The following TENM2 variants were observed in gnomAD, a reference collection of about 807,000 sequenced individuals.
TENM2 encodes teneurin-2.
Under a neutral mutation model 245.2 loss-of-function variants are expected in TENM2, and 52 were observed. That is an observed-to-expected ratio of 0.21 (90% CI 0.17 to 0.27). The LOEUF (loss-of-function observed/expected upper bound fraction) is 0.27, where lower values mean the gene tolerates loss of function less well. Ranked by LOEUF, TENM2 falls within the 10% of genes least tolerant of loss-of-function variation. The pLI, the probability that TENM2 is intolerant of heterozygous loss-of-function variation, is 1.00. For synonymous variants in TENM2, 1,363 were observed against 1,438.9 expected (o/e 0.95, Z 1.19); for missense variants, 3,046 against 3,666.8 (o/e 0.83, Z 4.37).
Position 168,157,203 on chromosome 5 carries a change from T to C in TENM2, c.2423-5408T>C, listed in dbSNP as rs536168218. 6.6e-5 allele frequency among the ~76,000 whole-genome samples: 10 copies of C among 152,032 alleles called. No homozygotes were observed. In the East Asian group the frequency reaches 1.9e-3, roughly 30 times the overall value. The stretch of plus-strand genomic sequence containing the variant: ...GACTTCTGAGTGGGGATTTGAAGGA[T>C]GTATTGAAGTTAGGGAGGTGAGAAA... On this transcript the variant is annotated intron_variant, in intron 12 of 28. Transcript: ENST00000518659.
At chr5:167,333,393 CA>C (rs562378667) in intron 1 of TENM2, among the ~76,000 whole-genome samples, 242 of 152,264 alleles carry the variant, frequency 1.6e-3, no homozygotes, top group African/African-American at 5.4e-3. Flanking sequence ...AGATGATGTT[CA>C]GATAAAGTTC....
intron 2 of TENM2, among the ~76,000 whole-genome samples, chr5:167,477,619 A>G (rs139827461): frequency 5.3e-5 from 8 of 152,286 alleles, no homozygotes; most frequent in Non-Finnish European, 1.2e-4. Flanking sequence ...TAGTATTCCT[A>G]TTCAGTCACC....
At chr5:168,226,363 GAGACCCA>G in intron 24 of TENM2, 100 bp downstream of exon 26, 1 of 1,014,720 alleles carries the variant, frequency 9.9e-7, no homozygotes, top group Non-Finnish European at 1.4e-6. Flanking sequence ...AGGACTTCCA[GAGACCCA>G]GCGTACCCCT....
rs143690817 is a variant in TENM2 at position 167,628,147 on chromosome 5, T to G, written c.503-247839T>G. ...GAAACCTGAGTTCTAAGAGCTCATGTGCATTTATCTTCCAGTTCTTACTCC... is the reference window on the plus strand; with the variant it reads ...GAAACCTGAGTTCTAAGAGCTCATGGGCATTTATCTTCCAGTTCTTACTCC... On this transcript the variant is annotated intron_variant, in intron 2 of 28. Coordinates refer to ENST00000518659, the Ensembl canonical transcript of TENM2. Among the ~76,000 whole-genome samples, 1,181 of 152,310 alleles carry G rather than the reference T, an allele frequency of 7.8e-3. 12 individuals are homozygous for G. The highest frequency in any genetic ancestry group is 0.042 in the South Asian group (203 of 4,826).
intron 2 of TENM2, among the ~76,000 whole-genome samples, chr5:167,789,105 A>G (rs189073607): frequency 1.3e-5 from 2 of 152,378 alleles, no homozygotes; most frequent in Admixed American, 1.3e-4. Context: ...TACCTGGTTC[A>G]TAAATGTTTT....
At chr5:167,252,968 G>C in the TENM2 span, among the ~76,000 whole-genome samples, 21 of 152,110 alleles carry the variant, frequency 1.4e-4, no homozygotes, top group African/African-American at 5.1e-4. Flanking sequence ...AAATGATCTT[G>C]TTCTTCTTTT....
chr5:167,245,456 G>A, the TENM2 span, among the ~76,000 whole-genome samples: 2 of 151,220 alleles, frequency 1.3e-5, no homozygotes, highest in Admixed American at 6.6e-5. Flanking sequence ...ACTTCAAAGT[G>A]TATATAACAA....
the TENM2 span, among the ~76,000 whole-genome samples, chr5:167,233,148 G>C: frequency 2.0e-5 from 3 of 152,310 alleles, no homozygotes; most frequent in African/African-American, 7.2e-5. Context: ...GGGGTTGGAG[G>C]CCTGATAGAG....
intron 5 of TENM2, among the ~76,000 whole-genome samples, chr5:168,019,638 A>G (rs566924798): frequency 6.6e-6 from 1 of 152,336 alleles, no homozygotes; most frequent in East Asian, 1.9e-4. Context: ...GGTAAAAGAA[A>G]GTTTCCTGTT....
chr5:168,076,475 C>T (rs1172606803), intron 7 of TENM2, among the ~76,000 whole-genome samples: 3 of 152,056 alleles, frequency 2.0e-5, no homozygotes, highest in South Asian at 4.1e-4. Flanking sequence ...CCACCCACCT[C>T]GGCTTCCCAA....
At chr5:167,809,947 T>A (rs538788636) in intron 2 of TENM2, among the ~76,000 whole-genome samples, 1 of 152,094 alleles carries the variant, frequency 6.6e-6, no homozygotes, top group Non-Finnish European at 1.5e-5. Flanking sequence ...CTCCAGTCAA[T>A]AGAGATTTTC....
intron 7 of TENM2, among the ~76,000 whole-genome samples, chr5:168,065,951 G>A (rs947359654): frequency 8.6e-5 from 13 of 151,402 alleles, no homozygotes; most frequent in South Asian, 2.1e-4. Flanking sequence ...ATTTTACAAC[G>A]CCTGGAAATA....
At chr5:167,935,460 G>A (rs751736695) in intron 3 of TENM2, among the ~76,000 whole-genome samples, 5 of 152,194 alleles carry the variant, frequency 3.3e-5, no homozygotes, top group Non-Finnish European at 5.9e-5. Context: ...AGGTTAAGCC[G>A]TTGCTATTGG....
rs191560145 is a variant in TENM2 at position 167,656,917 on chromosome 5, A to G, written c.503-219069A>G. ...TATAGTGATCAAATCAGAGCAATTCACGTATCTATCTTCTCAAAGATTTAT... is the reference window on the plus strand; with the variant it reads ...TATAGTGATCAAATCAGAGCAATTCGCGTATCTATCTTCTCAAAGATTTAT... On this transcript the variant is annotated intron_variant, in intron 2 of 28. Transcript: ENST00000518659. Among the ~76,000 whole-genome samples, 545 of 150,660 alleles carry G rather than the reference A, an allele frequency of 3.6e-3. 5 individuals carry two copies. Among genetic ancestry groups the G allele is most frequent in the African/African-American group, 0.013 (523 of 40,930 alleles).
chr5:167,598,103 A>G (rs1776350558), intron 2 of TENM2, among the ~76,000 whole-genome samples: 1 of 152,232 alleles, frequency 6.6e-6, no homozygotes. Flanking sequence ...AATCTGGCAC[A>G]TGGACATCAT....
At chr5:167,494,421 A>G (rs1562001028) in intron 2 of TENM2, among the ~76,000 whole-genome samples, 2 of 152,142 alleles carry the variant, frequency 1.3e-5, no homozygotes, top group South Asian at 2.1e-4. Flanking sequence ...AGGAGGTAAT[A>G]TAATCAAATG....
chr5:168,002,463 G>C (rs1320664597), intron 5 of TENM2, among the ~76,000 whole-genome samples: 2 of 152,226 alleles, frequency 1.3e-5, no homozygotes, highest in African/African-American at 4.8e-5. Context: ...GTCAGTGGCA[G>C]TGTGTCAAAT....
At chr5:167,570,635 AC>A (rs1056615949) in intron 2 of TENM2, among the ~76,000 whole-genome samples, 2 of 152,056 alleles carry the variant, frequency 1.3e-5, no homozygotes, top group African/African-American at 4.8e-5. Context: ...CCTTGCCAGA[AC>A]CCTAGGAATG....
intron 1 of TENM2, among the ~76,000 whole-genome samples, chr5:167,363,994 A>G (rs1007291320): frequency 2.8e-4 from 42 of 152,108 alleles, no homozygotes; most frequent in African/African-American, 9.9e-4. Flanking sequence ...TTCAAGCACA[A>G]TTAAAGAAAT....
Sources: gnomAD v4.1 joint callset for allele counts (sites outside exome capture counted in the v4.1 genomes callset) on GRCh38, gnomAD v4.1.1 for gene constraint, MANE v1.5 for transcripts, NCBI Gene and HGNC (gene_info 2026-07-23, HGNC 2026-07-21) for gene names.